STYXL2: variants seen among roughly 807,000 people sequenced by gnomAD.
The protein encoded by STYXL2 is serine/threonine/tyrosine-interacting-like protein 2.
A neutral mutation model predicts 52.4 loss-of-function variants in STYXL2; 44 were observed. That is an observed-to-expected ratio of 0.84 (90% confidence interval 0.66 to 1.08). The LOEUF (loss-of-function observed/expected upper bound fraction) is 1.08, where lower values mean the gene tolerates loss of function less well. Among genes scored for constraint, STYXL2 ranks in the 50% least tolerant of loss-of-function variants. STYXL2 has a pLI of 0.00. For missense variants in STYXL2, 1,604 were observed against 1,471.7 expected, an observed-to-expected ratio of 1.09 and a Z score of -1.47; for synonymous variants, 604 against 586.9, an observed-to-expected ratio of 1.03 and a Z score of -0.42.
Position 167,094,882 on chromosome 1 carries a change from G to A in STYXL2, c.33G>A (p.Gln11=), listed in dbSNP as rs1341038710. The part of the protein sequence containing the change: MATRKDTEEE[Q]VVPSEEDEAN... ...CCAGAAAGGACACAGAGGAGGAGCA[G>A]GTAGTCCCAAGCGAGGAGGACGAAG... is the stretch of plus-strand genomic sequence containing the variant. Residue 11 remains glutamine, a synonymous_variant, in exon 2 of 6, where the codon CAG becomes CAA. Transcript: ENST00000361200. The A allele has an allele frequency of 1.2e-6, 2 of 1,613,348 alleles. No homozygotes were observed. Among genetic ancestry groups the A allele is most frequent in the Non-Finnish European group, 1.7e-6 (2 of 1,179,838 alleles).
chr1:167,120,276 G>C (rs144040452), intron 5 of STYXL2, among the ~76,000 whole-genome samples: 1 of 152,326 alleles, frequency 6.6e-6, no homozygotes, highest in East Asian at 1.9e-4. Context: ...CGACAGCCTG[G>C]CTGGGAAGAG....
chr1:167,095,719 C>G (rs1667271526), intron 2 of STYXL2, among the ~76,000 whole-genome samples: 1 of 152,238 alleles, frequency 6.6e-6, no homozygotes, highest in African/African-American at 2.4e-5. Context: ...GGAGACCTGA[C>G]TTTTAATCAC....
chr1:167,122,875 C>G (rs1667887866), intron 5 of STYXL2, among the ~76,000 whole-genome samples: 1 of 152,132 alleles, frequency 6.6e-6, no homozygotes, highest in South Asian at 2.1e-4. Context: ...CCATGTTGGC[C>G]AGGCCAGTCT....
At chr1:167,101,247 G>A (rs1667397459) in intron 2 of STYXL2, among the ~76,000 whole-genome samples, 1 of 152,122 alleles carries the variant, frequency 6.6e-6, no homozygotes, top group African/African-American at 2.4e-5. Flanking sequence ...TTAATCATTA[G>A]GGACACACAA....
At chr1:167,110,815 C>T (rs982049379) in intron 2 of STYXL2, among the ~76,000 whole-genome samples, 16 of 152,206 alleles carry the variant, frequency 1.1e-4, no homozygotes, top group Non-Finnish European at 5.9e-5. Flanking sequence ...CATCCTTTCC[C>T]AGCCCCTTAC....
At chr1:167,098,530 C>T (rs1406473230) in intron 2 of STYXL2, among the ~76,000 whole-genome samples, 1 of 152,156 alleles carries the variant, frequency 6.6e-6, no homozygotes, top group Non-Finnish European at 1.5e-5. Flanking sequence ...ATTTATACTA[C>T]ACTGTTTCAG....
At chr1:167,094,467 A>G (rs1667238281) in intron 1 of STYXL2, 1 of 274,392 alleles carries the variant, frequency 3.6e-6, no homozygotes, top group African/African-American at 2.2e-5. Flanking sequence ...GTGTATGCAC[A>G]TCCTATAATT....
chr1:167,119,412 C>T lies in STYXL2; in HGVS notation c.601C>T (p.Gln201Ter), dbSNP rs970594005. The T allele has an allele frequency of 1.2e-6, 2 of 1,614,090 alleles. No individual in the cohort carries two copies. The highest frequency in any genetic ancestry group is 3.3e-5 in the Admixed American group (2 of 60,012). ...TGACTTTCCTGAGGTGGACATTTCCCAGCATTTCCGGAAGGCGTCTGAGTT... is the reference window on the plus strand; with the variant it reads ...TGACTTTCCTGAGGTGGACATTTCCTAGCATTTCCGGAAGGCGTCTGAGTT... The part of the protein sequence containing the change: ...VDDFPEVDIS[Q>*]HFRKASEFLD... Residue 201 changes from glutamine to a stop codon, truncating the protein, a stop_gained, in exon 5 of 6, where the codon CAG becomes TAG. Coordinates refer to ENST00000361200, the MANE Select transcript of STYXL2 (RefSeq NM_001080426.3). LOFTEE classifies it high-confidence loss of function.
At chr1:167,110,899 A>T (rs890208360) in intron 2 of STYXL2, among the ~76,000 whole-genome samples, 4 of 152,238 alleles carry the variant, frequency 2.6e-5, no homozygotes, top group African/African-American at 9.6e-5. Context: ...GCTTTAAGCT[A>T]TCAGGGTCTC....
At chr1:167,106,848 C>T (rs11579364) in intron 2 of STYXL2, among the ~76,000 whole-genome samples, 25,547 of 152,178 alleles carry the variant, frequency 0.17, 2,397 homozygotes, top group Middle Eastern at 0.22. Flanking sequence ...TGTATCACTA[C>T]TGAGGAGAAG....
At chr1:167,123,635 T>C (rs1054324679) in intron 5 of STYXL2, among the ~76,000 whole-genome samples, 2 of 152,196 alleles carry the variant, frequency 1.3e-5, no homozygotes, top group African/African-American at 4.8e-5. Context: ...TTCTTTTTCT[T>C]TTTTAAGAAA....
Position 167,128,562 on chromosome 1 carries a change from G to A in STYXL2, c.3431G>A (p.Arg1144Gln), listed in dbSNP as rs138265375. The A allele has an allele frequency of 3.8e-5, 62 of 1,613,570 alleles. No individual in the cohort carries two copies. Among genetic ancestry groups the A allele is most frequent in the African/African-American group, 1.5e-4 (11 of 74,988 alleles). Residue 1144 changes from arginine (R) to glutamine (Q), a missense_variant, in exon 6 of 6, where the codon CGG (arginine) becomes CAG (glutamine). Coordinates refer to ENST00000361200, the MANE Select transcript of STYXL2 (RefSeq NM_001080426.3). ...GCCATCATTGCTGCTTGGAGACGCC[G>A]GCAAGAAGAAACCAGGACCAAGCTG... The part of the protein sequence containing the change: ...DEAIIAAWRR[R>Q]QEETRTKLQK...
chr1:167,118,943 C>T (rs369541418), intron 4 of STYXL2, among the ~76,000 whole-genome samples: 1 of 152,174 alleles, frequency 6.6e-6, no homozygotes, highest in African/African-American at 2.4e-5. Context: ...AATGTCCATT[C>T]CCAAGGCATG....
Position 167,112,317 on chromosome 1 carries a change from TG to T in STYXL2, c.111-1390del, listed in dbSNP as rs541963459. ...TACTTCTTTCTCCTGGCAAGAGCAC[TG>T]GGCTTGCTGACACTGAGCACACCAT... is the stretch of plus-strand genomic sequence containing the variant. On this transcript the variant is annotated intron_variant, in intron 2 of 5. Coordinates refer to ENST00000361200, the MANE Select transcript of STYXL2 (RefSeq NM_001080426.3). 7.2e-5 allele frequency among the ~76,000 whole-genome samples: 11 copies of T among 152,252 alleles called. No individual in the cohort carries two copies. The South Asian group carries it at 2.3e-3, about 32-fold the overall frequency.
rs267746 is a variant in STYXL2 at position 167,127,694 on chromosome 1, A to C, written c.2563A>C (p.Lys855Gln). Residue 855 changes from lysine to glutamine, a missense_variant, in exon 6 of 6, where the codon AAA (lysine) becomes CAA (glutamine). Coordinates refer to ENST00000361200, the MANE Select transcript of STYXL2 (RefSeq NM_001080426.3). The stretch of plus-strand genomic sequence containing the variant: ...GCTTAGGGAGAAGATGTCTGAGTAC[A>C]AAATGGAAAAGCTGGCCTCAGACAA... ...MELREKMSEYKMEKLASDNKR... is the reference protein window; with the variant it reads ...MELREKMSEYQMEKLASDNKR... The C allele has an allele frequency of 0.17, 273,608 of 1,613,734 alleles. 26,117 individuals are homozygous for C. Among genetic ancestry groups the C allele is most frequent in the African/African-American group, 0.38 (28,363 of 74,760 alleles).
At chr1:167,099,394 C>T (rs1207115753) in intron 2 of STYXL2, among the ~76,000 whole-genome samples, 1 of 152,206 alleles carries the variant, frequency 6.6e-6, no homozygotes, top group Non-Finnish European at 1.5e-5. Flanking sequence ...GTACAGGATA[C>T]ACATTCTTAC....
rs1167356218 is a variant in STYXL2 at position 167,103,946 on chromosome 1, C to A, written c.110+8987C>A. Reference sequence around the variant, plus strand: ...ACCATCCTGGCTAACACGGTGAAACCCCGTCTCTACTAAAAATAGAAAAAT... The same window carrying A: ...ACCATCCTGGCTAACACGGTGAAACACCGTCTCTACTAAAAATAGAAAAAT... On this transcript the variant is annotated intron_variant, in intron 2 of 5. Transcript: ENST00000361200. Among the ~76,000 whole-genome samples, 3 of 152,044 alleles carry A rather than the reference C, an allele frequency of 2.0e-5. No homozygotes were observed. The East Asian group carries it at 5.8e-4, about 29-fold the overall frequency.
chr1:167,101,706 C>G (rs1008107809), intron 2 of STYXL2, among the ~76,000 whole-genome samples: 2 of 148,986 alleles, frequency 1.3e-5, no homozygotes, highest in Admixed American at 1.4e-4. Flanking sequence ...TAGGCTGAGG[C>G]AAAAGAATCA....
intron 3 of STYXL2, 27 bp from the exon 4 acceptor site, chr1:167,117,301 G>A: frequency 6.4e-7 from 1 of 1,570,148 alleles, no homozygotes. Flanking sequence ...CTAACTCTCT[G>A]ATGAGAATGC....
Sources: gnomAD v4.1 joint callset for allele counts (sites outside exome capture counted in the v4.1 genomes callset) on GRCh38, gnomAD v4.1.1 for gene constraint, MANE v1.5 for transcripts, NCBI Gene and HGNC (gene_info 2026-07-23, HGNC 2026-07-21) for gene names.